The following MYO3B variants were observed in gnomAD, a reference collection of about 807,000 sequenced individuals.
MYO3B encodes the protein myosin-IIIb.
In MYO3B, 156 loss-of-function variants were observed where a neutral mutation model predicts 174.6. The observed-to-expected ratio is 0.89, with a 90% confidence interval of 0.78 to 1.02. The LOEUF (loss-of-function observed/expected upper bound fraction) is 1.02. Among genes scored for constraint, MYO3B ranks in the 50% least tolerant of loss-of-function variants. The pLI is 0.00. For synonymous variants in MYO3B, 563 were observed against 569.1 expected (o/e 0.99, Z 0.15); for missense variants, 1,632 against 1,639.4 (o/e 1.00, Z 0.08).
Position 170,383,066 on chromosome 2 carries a change from T to C in MYO3B, c.1069-7T>C. On this transcript the variant is annotated splice_polypyrimidine_tract_variant and splice_region_variant and intron_variant, in intron 10 of 34. Coordinates refer to ENST00000408978, the MANE Select transcript of MYO3B (RefSeq NM_138995.5). The stretch of plus-strand genomic sequence containing the variant: ...ATTTACCTCAATACCATTTATCCTC[T>C]TCTTAGGATACAATTATCCATCAGT... The C allele has an allele frequency of 6.5e-7, 1 of 1,547,734 alleles. No individual in the cohort carries two copies. Among genetic ancestry groups the C allele is most frequent in the Non-Finnish European group, 8.9e-7 (1 of 1,119,926 alleles).
intron 32 of MYO3B, among the ~76,000 whole-genome samples, chr2:170,618,819 G>A (rs1695637389): frequency 6.6e-6 from 1 of 151,424 alleles, no homozygotes; most frequent in South Asian, 2.1e-4. Context: ...GTATGTAGAA[G>A]TACAGTACAT....
chr2:170,346,023 T>C (rs1374287128), intron 8 of MYO3B, among the ~76,000 whole-genome samples: 1 of 152,086 alleles, frequency 6.6e-6, no homozygotes, highest in Non-Finnish European at 1.5e-5. Context: ...TTAAGTCACT[T>C]GGTTTGTGAT....
In MYO3B at chr2:170,267,465, A is replaced by G. The variant is rs553463855; in HGVS notation, c.749+31329A>G. Among the ~76,000 whole-genome samples the G allele has an allele frequency of 9.8e-5, 15 of 152,336 alleles. No homozygotes were observed. In the South Asian group the frequency reaches 2.5e-3, roughly 25 times the overall value. On this transcript the variant is annotated intron_variant, in intron 7 of 34. Transcript: ENST00000408978. ...TTTGGCAGACTAGTTGGTTTCTGCT[A>G]CTCACACATAATGTATTATTCTTCC... is the stretch of plus-strand genomic sequence containing the variant.
intron 3 of MYO3B, among the ~76,000 whole-genome samples, chr2:170,201,274 A>G (rs533223856): frequency 1.7e-3 from 255 of 152,354 alleles, no homozygotes; most frequent in Non-Finnish European, 2.5e-3. Context: ...GTCTATCGCC[A>G]CATTCTCACT....
At chr2:170,566,309 A>G (rs1348873584) in intron 32 of MYO3B, among the ~76,000 whole-genome samples, 1 of 152,208 alleles carries the variant, frequency 6.6e-6, no homozygotes, top group Admixed American at 6.5e-5. Context: ...TCGGGTTGAA[A>G]GTGCAGTGTA....
intron 25 of MYO3B, among the ~76,000 whole-genome samples, chr2:170,472,098 CG>C (rs1397686698): frequency 3.8e-4 from 57 of 151,698 alleles, no homozygotes; most frequent in Admixed American, 3.5e-3. Flanking sequence ...CCTTTTAAAA[CG>C]TTTTTTTTGC....
At chr2:170,292,806 T>A (rs1396373767) in intron 7 of MYO3B, among the ~76,000 whole-genome samples, 1 of 152,172 alleles carries the variant, frequency 6.6e-6, no homozygotes, top group Non-Finnish European at 1.5e-5. Context: ...TTTGGCATCT[T>A]CTTTAGCCAA....
intron 7 of MYO3B, among the ~76,000 whole-genome samples, chr2:170,318,734 A>G (rs1250417376): frequency 6.6e-6 from 1 of 152,162 alleles, no homozygotes; most frequent in Non-Finnish European, 1.5e-5. Context: ...TGTAATTCTG[A>G]GTTGTTAGTG....
In MYO3B at chr2:170,380,574, A is replaced by C. The variant is rs1027008665; in HGVS notation, c.972-1442A>C. ...TCCTAAACCGCATTGAGGAGTGATG[A>C]GTTTATGAAAGGAATTACGGGAAGG... On this transcript the variant is annotated intron_variant, in intron 9 of 34. Coordinates refer to ENST00000408978, the MANE Select transcript of MYO3B (RefSeq NM_138995.5). Among the ~76,000 whole-genome samples, 64 of 152,158 alleles carry C rather than the reference A, an allele frequency of 4.2e-4. 1 individual carries two copies. Among genetic ancestry groups the C allele is most frequent in the African/African-American group, 1.5e-3 (62 of 41,440 alleles).
chr2:170,643,010 C>T (rs1325864909), intron 32 of MYO3B, among the ~76,000 whole-genome samples: 1 of 150,528 alleles, frequency 6.6e-6, no homozygotes, highest in Admixed American at 6.6e-5. Flanking sequence ...CTTGACTACA[C>T]AGTAGAACCA....
At chr2:170,561,926 AAAC>A (rs945193906) in intron 32 of MYO3B, among the ~76,000 whole-genome samples, 26 of 152,206 alleles carry the variant, frequency 1.7e-4, no homozygotes, top group African/African-American at 5.5e-4. Context: ...CTTCTTCATT[AAAC>A]AACAACAACA....
At chr2:170,525,264 T>A (rs1353667739) in intron 30 of MYO3B, among the ~76,000 whole-genome samples, 3 of 152,210 alleles carry the variant, frequency 2.0e-5, no homozygotes, top group Non-Finnish European at 2.9e-5. Flanking sequence ...GTTGGGTTGA[T>A]GCTTCTCTGC....
At chr2:170,306,730 G>T (rs2093703296) in intron 7 of MYO3B, among the ~76,000 whole-genome samples, 1 of 152,126 alleles carries the variant, frequency 6.6e-6, no homozygotes, top group Admixed American at 6.5e-5. Flanking sequence ...TTACCTATCT[G>T]CCATTGCATG....
rs561919427 is a variant in MYO3B at position 170,231,030 on chromosome 2, C to G, written c.604-4961C>G. Among the ~76,000 whole-genome samples the G allele has an allele frequency of 2.6e-5, 4 of 152,306 alleles. No individual in the cohort carries two copies. In the South Asian group the frequency reaches 8.3e-4, roughly 32 times the overall value. Reference sequence around the variant, plus strand: ...GCTGCTGACTGTTGTTTTTCTCTGCCATTTTCTGGCTGGTGGCTAAGGAAA... The same window carrying G: ...GCTGCTGACTGTTGTTTTTCTCTGCGATTTTCTGGCTGGTGGCTAAGGAAA... On this transcript the variant is annotated intron_variant, in intron 6 of 34. Transcript: ENST00000408978.
chr2:170,405,284 T>C (rs2105807767), intron 20 of MYO3B, among the ~76,000 whole-genome samples: 1 of 152,310 alleles, frequency 6.6e-6, no homozygotes, highest in South Asian at 2.1e-4. Context: ...GTGTCATCAG[T>C]GTCCATGCTA....
intron 7 of MYO3B, among the ~76,000 whole-genome samples, chr2:170,245,904 A>G (rs6433186): frequency 0.07 from 10,638 of 152,256 alleles, 679 homozygotes; most frequent in African/African-American, 0.17. Flanking sequence ...CGTTGTGCAC[A>G]TGTACCCTAG....
intron 7 of MYO3B, among the ~76,000 whole-genome samples, chr2:170,299,454 T>C (rs984273572): frequency 2.0e-5 from 3 of 152,190 alleles, no homozygotes; most frequent in East Asian, 3.9e-4. Flanking sequence ...TTTCTAAAAA[T>C]GAAATTTCTT....
At chr2:170,583,174 G>A (rs972250057) in intron 32 of MYO3B, among the ~76,000 whole-genome samples, 1 of 147,376 alleles carries the variant, frequency 6.8e-6, no homozygotes, top group Non-Finnish European at 1.5e-5. Flanking sequence ...TCCCTTACCA[G>A]ACTGATAGAT....
At chr2:170,638,105 T>A (rs62168252) in intron 32 of MYO3B, among the ~76,000 whole-genome samples, 27 of 87,974 alleles carry the variant, frequency 3.1e-4, no homozygotes, top group South Asian at 3.9e-4. Context: ...TCTCTCTCTC[T>A]CTCTCACACA....
Sources: gnomAD v4.1 joint callset for allele counts (sites outside exome capture counted in the v4.1 genomes callset) on GRCh38, gnomAD v4.1.1 for gene constraint, MANE v1.5 for transcripts, NCBI Gene and HGNC (gene_info 2026-07-23, HGNC 2026-07-21) for gene names.